The following HIVEP3 variants were observed in gnomAD, a reference collection of about 807,000 sequenced individuals.
The protein encoded by HIVEP3 is HIVEP zinc finger 3.
A neutral mutation model predicts 152.8 loss-of-function variants in HIVEP3; 49 were observed. That is an observed-to-expected ratio of 0.32 (90% CI 0.26 to 0.41). HIVEP3 has a LOEUF of 0.41. HIVEP3 is among the 10% of genes least tolerant of loss of function. HIVEP3 has a pLI of 1.00. For missense variants in HIVEP3, 2,790 were observed against 3,103.3 expected (o/e 0.90, Z 2.40); for synonymous variants, 1,269 against 1,289.0 (o/e 0.98, Z 0.33).
At position 41,513,129 on chromosome 1, in the gene HIVEP3, A is replaced by T; in HGVS notation, c.6092T>A (p.Leu2031His). Reference protein sequence around the residue: ...MGALPCGSPRLQLSPLTLCPL... With the variant: ...MGALPCGSPRHQLSPLTLCPL... ...GCAGAGGGTGAGAGGAGACAGCTGAAGTCTTGGAGACCCACAAGGGAGAGC... is the reference window on the plus strand; with the variant it reads ...GCAGAGGGTGAGAGGAGACAGCTGATGTCTTGGAGACCCACAAGGGAGAGC... Residue 2031 changes from leucine to histidine, a missense_variant, in exon 8 of 9, where the codon CTT becomes CAT. Around this residue, in one of 9 missense-constraint regions of HIVEP3, gnomAD observed 816 missense variants for 806.5 expected, o/e 1.01. Coordinates refer to ENST00000372583, the MANE Select transcript of HIVEP3 (RefSeq NM_024503.5). 1 of 1,613,798 alleles carries T rather than the reference A, an allele frequency of 6.2e-7. No individual in the cohort carries two copies.
At chr1:41,981,435 G>A (rs1355855386) in intron 1 of HIVEP3, among the ~76,000 whole-genome samples, 1 of 151,834 alleles carries the variant, frequency 6.6e-6, no homozygotes, top group Admixed American at 6.6e-5. Flanking sequence ...CAGGAGGGAG[G>A]AAGTGGTGGG....
intron 1 of HIVEP3, among the ~76,000 whole-genome samples, chr1:41,731,805 G>A (rs1646843867): frequency 6.6e-6 from 1 of 152,254 alleles, no homozygotes; most frequent in African/African-American, 2.4e-5. Context: ...GACAGACCTT[G>A]AGCAAGAACT....
chr1:41,637,793 T>C (rs983666689), intron 2 of HIVEP3, among the ~76,000 whole-genome samples: 5 of 152,140 alleles, frequency 3.3e-5, no homozygotes, highest in African/African-American at 1.2e-4. Flanking sequence ...CTTTTGTAAT[T>C]TGAAAATGAT....
intron 6 of HIVEP3, among the ~76,000 whole-genome samples, chr1:41,519,349 T>C (rs539077151): frequency 8.5e-5 from 13 of 152,280 alleles, no homozygotes; most frequent in African/African-American, 3.1e-4. Flanking sequence ...CAGGGAACAG[T>C]AGCAACAGCT....
intron 1 of HIVEP3, among the ~76,000 whole-genome samples, chr1:41,757,695 G>GTATGTATGTATTTATTTATT (rs1647403965): frequency 6.9e-6 from 1 of 145,152 alleles, no homozygotes; most frequent in Non-Finnish European, 1.5e-5. Context: ...TTTCTACTTT[G>GTATGTATGTATTTATTTATT]TATTTATTTA....
At chr1:41,964,922 C>A (rs1026135399) in intron 1 of HIVEP3, among the ~76,000 whole-genome samples, 30 of 152,388 alleles carry the variant, frequency 2.0e-4, no homozygotes, top group African/African-American at 6.7e-4. Context: ...CAGAGTGCTT[C>A]ATTATGTGGG....
In HIVEP3 at chr1:41,511,274, C is replaced by G. The variant is rs1305435848; in HGVS notation, c.6406-8G>C. 1 of 1,586,184 alleles carries G rather than the reference C, an allele frequency of 6.3e-7. No homozygotes were observed. Among genetic ancestry groups the G allele is most frequent in the East Asian group, 2.2e-5 (1 of 44,564 alleles). On this transcript the variant is annotated splice_polypyrimidine_tract_variant and splice_region_variant and intron_variant, in intron 8 of 8. Coordinates refer to ENST00000372583, the MANE Select transcript of HIVEP3 (RefSeq NM_024503.5). This position sits in a 1 kb window ranked among gnomAD's most constrained non-coding sequence, Gnocchi z 4.9. The stretch of plus-strand genomic sequence containing the variant: ...TCGGGACTCGGCCTTCTGCTGGGGT[C>G]AGAAAACAAGACAAGGTAAGGTGAA...
rs754427598 is a variant in HIVEP3, at chr1:41,583,309, T to C, written c.1489A>G (p.Met497Val). 3.7e-6 allele frequency: 6 copies of C among 1,611,730 alleles called. No homozygotes were observed. The East Asian group carries it at 6.7e-5, about 18-fold the overall frequency. The stretch of plus-strand genomic sequence containing the variant: ...TAGAGGCTGGATTTTGGGGACTCCA[T>C]GCTGCTGCGCCTGGACAGTGAGCTC... ...RRSSLSRRSS[M>V]ESPKSSLYRE... The change falls in exon 4 of 9, where the codon ATG becomes GTG. Residue 497 changes from methionine (M) to valine (V), a missense_variant. By Grantham distance (21) the Met-to-Val change is conservative (BLOSUM62 1). Around this residue, in one of 9 missense-constraint regions of HIVEP3, gnomAD observed 134 missense variants for 242.5 expected, o/e 0.55. Transcript: ENST00000372583. This position sits in a 1 kb window ranked among gnomAD's most constrained non-coding sequence, Gnocchi z 6.9.
chr1:41,755,006 T>C (rs558679204), intron 1 of HIVEP3, among the ~76,000 whole-genome samples: 1 of 152,178 alleles, frequency 6.6e-6, no homozygotes, highest in African/African-American at 2.4e-5. Context: ...TGAAACAATT[T>C]TGAAAAAAGA....
At position 41,585,316 on chromosome 1, in the gene HIVEP3, C is replaced by A. The variant is rs1167827851; in HGVS notation, c.-519G>T. ...GCCTTGGAGGAGAAATCACGCTCTT[C>A]TTCTGTGTGATAGATGTACACACAC... is the stretch of plus-strand genomic sequence containing the variant. On this transcript the variant is annotated splice_region_variant and 5_prime_UTR_variant, in exon 4 of 9. An upstream open reading frame in the 5' UTR gains an earlier in-frame stop. Coordinates refer to ENST00000372583, the MANE Select transcript of HIVEP3 (RefSeq NM_024503.5). 1 of 398,936 alleles carries A rather than the reference C, an allele frequency of 2.5e-6. No individual in the cohort carries two copies. The highest frequency in any genetic ancestry group is 2.1e-5 in the African/African-American group (1 of 48,602). 24.7% of individuals were successfully genotyped at this position (398,936 alleles called of 1,614,324 possible).
At chr1:41,975,374 A>G (rs1645253678) in intron 1 of HIVEP3, among the ~76,000 whole-genome samples, 1 of 152,196 alleles carries the variant, frequency 6.6e-6, no homozygotes, top group African/African-American at 2.4e-5. Flanking sequence ...GAATTTGTCC[A>G]AATCACTCCC....
At chr1:41,897,823 CA>C (rs1199821323) in intron 1 of HIVEP3, among the ~76,000 whole-genome samples, 4 of 137,390 alleles carry the variant, frequency 2.9e-5, no homozygotes, top group African/African-American at 1.1e-4. Flanking sequence ...AGATCAAGGA[CA>C]GCATGTGGTG....
intron 2 of HIVEP3, among the ~76,000 whole-genome samples, chr1:41,684,531 T>C (rs1474299140): frequency 1.3e-5 from 2 of 152,202 alleles, no homozygotes; most frequent in Non-Finnish European, 2.9e-5. Context: ...CGAAGGTTCA[T>C]CAGTGAGATG....
intron 1 of HIVEP3, among the ~76,000 whole-genome samples, chr1:41,913,463 C>G (rs554482513): frequency 1.3e-5 from 2 of 152,326 alleles, no homozygotes; most frequent in South Asian, 4.1e-4. Flanking sequence ...GTGATGTGAT[C>G]ATAGCCCATG....
At chr1:41,717,069 C>T (rs767768402) in intron 1 of HIVEP3, among the ~76,000 whole-genome samples, 2 of 152,174 alleles carry the variant, frequency 1.3e-5, no homozygotes, top group Non-Finnish European at 2.9e-5. Flanking sequence ...GCTCTGAGGG[C>T]ACGCAGTTGT....
chr1:41,904,679 AGT>A (rs1644682506), intron 1 of HIVEP3, among the ~76,000 whole-genome samples: 1 of 152,168 alleles, frequency 6.6e-6, no homozygotes, highest in Non-Finnish European at 1.5e-5. Context: ...CACTTTGGTG[AGT>A]ATCAAAGATC....
intron 3 of HIVEP3, among the ~76,000 whole-genome samples, chr1:41,616,785 A>G (rs901396340): frequency 2.0e-5 from 3 of 152,034 alleles, no homozygotes; most frequent in African/African-American, 7.3e-5. Flanking sequence ...GTATCATCCT[A>G]TGTACATTCC....
At chr1:41,866,810 T>C (rs1225256666) in intron 1 of HIVEP3, among the ~76,000 whole-genome samples, 4 of 152,116 alleles carry the variant, frequency 2.6e-5, no homozygotes, top group Admixed American at 1.3e-4. Flanking sequence ...CACAGGGAGC[T>C]CCTGGCATGC....
chr1:41,773,751 C>G (rs1029443066), intron 1 of HIVEP3, among the ~76,000 whole-genome samples: 1 of 152,208 alleles, frequency 6.6e-6, no homozygotes, highest in Non-Finnish European at 1.5e-5. Flanking sequence ...CCTGGTGATG[C>G]TGAGTTGAGC....
Sources: gnomAD v4.1 joint callset for allele counts (sites outside exome capture counted in the v4.1 genomes callset) on GRCh38, gnomAD v4.1.1 for gene constraint, gnomAD v4.1.1 regional missense constraint, Gnocchi (gnomAD v3.1) non-coding constraint, MANE v1.5 for transcripts, NCBI Gene and HGNC (gene_info 2026-07-23, HGNC 2026-07-21) for gene names.